Variants in LIMS1 observed in about 807,000 individuals in gnomAD.
The protein encoded by LIMS1 is LIM zinc finger domain containing 1.
A neutral mutation model predicts 44.1 loss-of-function variants in LIMS1; 18 were observed. The observed-to-expected ratio is 0.41, with a 90% confidence interval of 0.28 to 0.61. The LOEUF is 0.61. Among genes scored for constraint, LIMS1 ranks in the 20% least tolerant of loss-of-function variants. The pLI, the probability that LIMS1 is intolerant of heterozygous loss-of-function variation, is 0.32. For synonymous variants in LIMS1, 93 were observed against 149.1 expected, an observed-to-expected ratio of 0.62 and a Z score of 2.74; for missense variants, 201 against 422.0, an observed-to-expected ratio of 0.48 and a Z score of 4.59.
intron 2 of LIMS1, among the ~76,000 whole-genome samples, chr2:108,666,562 G>A (rs567364720): frequency 3.5e-3 from 432 of 125,106 alleles, no homozygotes; most frequent in African/African-American, 0.011. Context: ...AGAGACTCAG[G>A]TGGGAGGATT....
intron 1 of LIMS1, among the ~76,000 whole-genome samples, chr2:108,606,485 G>GA (rs1256693683): frequency 8.5e-5 from 13 of 152,314 alleles, no homozygotes; most frequent in East Asian, 5.8e-4. Context: ...ACGTTAGTAA[G>GA]AAAAAATCAC....
At chr2:108,583,035 T>G (rs1324691812) in intron 1 of LIMS1, among the ~76,000 whole-genome samples, 2 of 151,972 alleles carry the variant, frequency 1.3e-5, no homozygotes, top group African/African-American at 2.4e-5. Flanking sequence ...TTTTGTTGTT[T>G]TTTTGTTTTG....
chr2:108,677,510 CTG>C (rs1692650907), intron 7 of LIMS1: 1 of 159,432 alleles, frequency 6.3e-6, no homozygotes, highest in African/African-American at 2.4e-5. Context: ...AAGAAGCAAT[CTG>C]TGGGCAATCA....
chr2:108,571,501 C>T (rs1280073525), intron 1 of LIMS1, among the ~76,000 whole-genome samples: 1 of 152,120 alleles, frequency 6.6e-6, no homozygotes, highest in Non-Finnish European at 1.5e-5. Flanking sequence ...AGGAAATATA[C>T]CTCTTTGAAA....
rs1278696670 is a variant in LIMS1, at chr2:108,680,558, AAAAAAAGGT to A, written c.824-136_824-128del. 1.4e-5 allele frequency: 18 copies of A among 1,316,044 alleles called. No individual in the cohort carries two copies. In the East Asian group the frequency reaches 4.8e-4, roughly 35 times the overall value. The allele number at this position is 1,316,044 out of a possible 1,614,324, so 81.5% of individuals were successfully genotyped here. ...TCTCATTTAAAAAAAAAAAAAAAAAAAAAAAAGGTTCTTGAGAACCTCCACCAAGTGCCA... is the reference window on the plus strand; with the variant it reads ...TCTCATTTAAAAAAAAAAAAAAAAAATCTTGAGAACCTCCACCAAGTGCCA... On this transcript the variant is annotated intron_variant, in intron 8 of 9. Transcript: ENST00000544547.
chr2:108,614,267 G>A (rs1470594093), intron 1 of LIMS1, among the ~76,000 whole-genome samples: 2 of 152,128 alleles, frequency 1.3e-5, no homozygotes, highest in Non-Finnish European at 2.9e-5. Flanking sequence ...CCTCCTCCAC[G>A]CGAACTGCCC....
intron 1 of LIMS1, among the ~76,000 whole-genome samples, chr2:108,624,989 G>A (rs1217455192): frequency 6.6e-6 from 1 of 152,130 alleles, no homozygotes; most frequent in Non-Finnish European, 1.5e-5. Flanking sequence ...TGAGGCACGA[G>A]AATTGTTTGA....
chr2:108,566,001 G>A (rs1685278056), intron 1 of LIMS1, among the ~76,000 whole-genome samples: 1 of 152,154 alleles, frequency 6.6e-6, no homozygotes, highest in Non-Finnish European at 1.5e-5. Context: ...GAATTTTGGA[G>A]GGAACACAAA....
intron 1 of LIMS1, among the ~76,000 whole-genome samples, chr2:108,566,373 G>A (rs1267664991): frequency 6.6e-6 from 1 of 152,148 alleles, no homozygotes; most frequent in Non-Finnish European, 1.5e-5. Context: ...TTCTATGTCA[G>A]CAGTTCTCAT....
At chr2:108,546,568 C>T (rs973885600) in intron 1 of LIMS1, among the ~76,000 whole-genome samples, 1 of 151,994 alleles carries the variant, frequency 6.6e-6, no homozygotes, top group South Asian at 2.1e-4. Context: ...ATTAAGTGAT[C>T]CCTGTTCATT....
At chr2:108,652,580 T>G (rs866438804) in intron 1 of LIMS1, among the ~76,000 whole-genome samples, 1 of 152,222 alleles carries the variant, frequency 6.6e-6, no homozygotes, top group African/African-American at 2.4e-5. Flanking sequence ...AAGAGAAGTC[T>G]GTGGTGATGG....
chr2:108,584,150 A>G (rs1457321338), intron 1 of LIMS1, among the ~76,000 whole-genome samples: 1 of 152,194 alleles, frequency 6.6e-6, no homozygotes, highest in Admixed American at 6.5e-5. Context: ...ACCCACTCTT[A>G]CATAGTCTAT....
intron 1 of LIMS1, among the ~76,000 whole-genome samples, chr2:108,649,769 G>A (rs1332219417): frequency 6.6e-6 from 1 of 152,132 alleles, no homozygotes; most frequent in Non-Finnish European, 1.5e-5. Flanking sequence ...GTTGAACAGT[G>A]AGAACACATG....
intron 1 of LIMS1, among the ~76,000 whole-genome samples, chr2:108,598,182 A>C (rs1451361266): frequency 2.6e-5 from 4 of 151,778 alleles, no homozygotes; most frequent in South Asian, 2.1e-4. Flanking sequence ...GGGCTATTTC[A>C]TAGATTAGGA....
At chr2:108,589,482 CTGT>C (rs1686271236) in intron 1 of LIMS1, among the ~76,000 whole-genome samples, 1 of 152,136 alleles carries the variant, frequency 6.6e-6, no homozygotes, top group Non-Finnish European at 1.5e-5. Flanking sequence ...TTCATTGATT[CTGT>C]TGTTTTTCTA....
chr2:108,649,404 G>A (rs1400712326), intron 1 of LIMS1, among the ~76,000 whole-genome samples: 1 of 152,306 alleles, frequency 6.6e-6, no homozygotes, highest in Non-Finnish European at 1.5e-5. Flanking sequence ...AACCATTGTG[G>A]AAGACAGTGT....
chr2:108,569,764 C>CTTTTTTTTTTTTTTTTTTTTTTTTT (rs10596766), intron 1 of LIMS1, among the ~76,000 whole-genome samples: 6 of 113,126 alleles, frequency 5.3e-5, no homozygotes, highest in African/African-American at 1.7e-4. Context: ...CCATATCTGG[C>CTTTTTTTTTTTTTTTTTTTTTTTTT]TTTTTTTTTT....
intron 1 of LIMS1, among the ~76,000 whole-genome samples, chr2:108,614,469 G>C (rs971124614): frequency 6.6e-6 from 1 of 152,150 alleles, no homozygotes; most frequent in African/African-American, 2.4e-5. Flanking sequence ...TTCAGTGGTA[G>C]ATCATGAACA....
intron 1 of LIMS1, among the ~76,000 whole-genome samples, chr2:108,576,711 G>A (rs1439015603): frequency 2.1e-4 from 32 of 152,096 alleles, no homozygotes; most frequent in Admixed American, 2.0e-3. Context: ...AAGTTAAAGT[G>A]CCCTTTAGAG....
Sources: allele counts gnomAD v4.1 joint callset (sites outside exome capture counted in the v4.1 genomes callset), GRCh38; gene constraint gnomAD v4.1.1; transcripts MANE v1.5; gene names NCBI Gene and HGNC (gene_info 2026-07-23, HGNC 2026-07-21).